The following ANXA8 variants were observed in gnomAD, a reference collection of about 807,000 sequenced individuals.
ANXA8 encodes the protein annexin A8.
In ANXA8, 9 loss-of-function variants were observed where a neutral mutation model predicts 26.8. That is an observed-to-expected ratio of 0.34 (90% CI 0.20 to 0.59). ANXA8 has a LOEUF of 0.59. ANXA8 is among the 20% of genes least tolerant of loss of function. The pLI is 0.84. For missense variants in ANXA8, 83 were observed against 238.5 expected, an observed-to-expected ratio of 0.35 and a Z score of 4.29; for synonymous variants, 39 against 94.8, an observed-to-expected ratio of 0.41 and a Z score of 3.42.
the ANXA8 span, among the ~76,000 whole-genome samples, chr10:47,566,734 CA>C: frequency 4.8e-5 from 6 of 125,552 alleles, no homozygotes; most frequent in Non-Finnish European, 8.8e-5. Flanking sequence ...AGGCGGAGCC[CA>C]GGGGAGGATG....
chr10:47,650,580 G>A, the ANXA8 span, among the ~76,000 whole-genome samples: 1 of 149,002 alleles, frequency 6.7e-6, no homozygotes, highest in Admixed American at 6.6e-5. Flanking sequence ...GCCAAGGTGG[G>A]CGGATCACGA....
chr10:47,510,057 A>G, the ANXA8 span: 18 of 1,495,982 alleles, frequency 1.2e-5, 4 homozygotes, highest in Admixed American at 4.0e-5. Flanking sequence ...GAATCTGAAT[A>G]TCAATATATG....
the ANXA8 span, among the ~76,000 whole-genome samples, chr10:47,716,011 G>A: frequency 6.7e-6 from 1 of 149,238 alleles, no homozygotes; most frequent in Non-Finnish European, 1.5e-5. Flanking sequence ...AGCCTTTCGC[G>A]TAGCTGAGGA....
At chr10:47,502,231 C>T in the ANXA8 span, 58 of 1,580,882 alleles carry the variant, frequency 3.7e-5, 5 homozygotes, top group East Asian at 5.3e-5. Context: ...ATTCCCCTTG[C>T]GGCAGGCCAG....
the ANXA8 span, chr10:47,563,467 C>T: frequency 3.5e-6 from 2 of 567,656 alleles, no homozygotes; most frequent in Non-Finnish European, 6.3e-6. Context: ...TGTTTTTGGA[C>T]ATAGCTTGGG....
the ANXA8 span, chr10:47,706,583 G>A: frequency 1.3e-6 from 1 of 766,478 alleles, no homozygotes. Flanking sequence ...ATATGGAAAG[G>A]GTGATCAGTT....
At chr10:47,775,390 A>G in the ANXA8 span, among the ~76,000 whole-genome samples, 1 of 150,938 alleles carries the variant, frequency 6.6e-6, no homozygotes, top group Non-Finnish European at 1.5e-5. Flanking sequence ...AAACAAAACA[A>G]AACAAAACAG....
the ANXA8 span, among the ~76,000 whole-genome samples, chr10:47,535,225 C>T: frequency 7.5e-6 from 1 of 133,234 alleles, no homozygotes; most frequent in Non-Finnish European, 1.5e-5. Flanking sequence ...CCGCCCACCT[C>T]GGTCTCCCAA....
At chr10:47,748,657 G>T in the ANXA8 span, among the ~76,000 whole-genome samples, 1 of 152,134 alleles carries the variant, frequency 6.6e-6, no homozygotes. Context: ...CCTCCCTCCT[G>T]TCGTTTTCTT....
chr10:47,572,878 T>C, the ANXA8 span, among the ~76,000 whole-genome samples: 153 of 151,870 alleles, frequency 1.0e-3, no homozygotes, highest in African/African-American at 3.6e-3. Context: ...AGCTGTTTCA[T>C]GTTTAACATG....
At chr10:47,594,961 G>A in the ANXA8 span, among the ~76,000 whole-genome samples, 2 of 149,534 alleles carry the variant, frequency 1.3e-5, no homozygotes, top group Non-Finnish European at 1.5e-5. Flanking sequence ...ACACATAGTC[G>A]TTAGACTATC....
chr10:47,954,617 G>A, the ANXA8 span, among the ~76,000 whole-genome samples: 1 of 151,310 alleles, frequency 6.6e-6, no homozygotes. Flanking sequence ...TTACCCTGAT[G>A]TGATTATTAC....
At chr10:47,585,516 G>T in the ANXA8 span, among the ~76,000 whole-genome samples, 1 of 141,166 alleles carries the variant, frequency 7.1e-6, no homozygotes, top group Non-Finnish European at 1.5e-5. Context: ...AGAAGCACTT[G>T]GGACCATACC....
At chr10:47,958,835 C>T in the ANXA8 span, among the ~76,000 whole-genome samples, 4 of 149,660 alleles carry the variant, frequency 2.7e-5, no homozygotes, top group South Asian at 4.2e-4. Flanking sequence ...TCAGATCTCA[C>T]GAGACTCACT....
At chr10:47,525,802 A>AT in the ANXA8 span, among the ~76,000 whole-genome samples, 1,477 of 80,510 alleles carry the variant, frequency 0.018, 161 homozygotes, top group Non-Finnish European at 0.026. Flanking sequence ...GCTGAACACT[A>AT]TTTTTTTTTT....
chr10:47,645,097 T>C, the ANXA8 span, among the ~76,000 whole-genome samples: 1 of 151,552 alleles, frequency 6.6e-6, no homozygotes, highest in African/African-American at 2.4e-5. Flanking sequence ...ACTTTCTTCA[T>C]CTAACACTAT....
At chr10:47,943,566 C>G in the ANXA8 span, among the ~76,000 whole-genome samples, 2 of 149,378 alleles carry the variant, frequency 1.3e-5, no homozygotes, top group Non-Finnish European at 3.0e-5. Flanking sequence ...TCTGTTCCAG[C>G]CCTCCTGTGT....
the ANXA8 span, among the ~76,000 whole-genome samples, chr10:47,679,300 A>C: frequency 5.9e-5 from 9 of 152,372 alleles, no homozygotes; most frequent in East Asian, 1.7e-3. Flanking sequence ...GAATAAACAA[A>C]TATAATCATA....
At chr10:47,900,693 C>A in the ANXA8 span, among the ~76,000 whole-genome samples, 2 of 121,680 alleles carry the variant, frequency 1.6e-5, no homozygotes, top group Admixed American at 1.6e-4. Context: ...GCTCAGTAAC[C>A]AAAAAGTTAA....
Sources: gnomAD v4.1 joint callset for allele counts (sites outside exome capture counted in the v4.1 genomes callset) on GRCh38, gnomAD v4.1.1 for gene constraint, MANE v1.5 for transcripts, NCBI Gene and HGNC (gene_info 2026-07-23, HGNC 2026-07-21) for gene names.